The following MMP10 variants were observed in gnomAD, a reference collection of about 807,000 sequenced individuals.
MMP10 encodes matrix metallopeptidase 10.
MMP10 carries 50 observed loss-of-function variants against 49.1 expected under a neutral mutation model. The ratio of observed to expected loss-of-function variants is 1.02; its 90% confidence interval spans 0.81 to 1.29. The LOEUF is 1.29. Ranked by LOEUF, MMP10 falls within the 50% of genes most tolerant of loss-of-function variation. The pLI is 0.00. For synonymous variants in MMP10, 229 were observed against 201.6 expected (o/e 1.14, Z -1.15); for missense variants, 613 against 563.8 (o/e 1.09, Z -0.88).
At chr11:102,778,864 A>G in intron 3 of MMP10, 115 bp from the exon 4 acceptor site, 1 of 1,263,722 alleles carries the variant, frequency 7.9e-7, no homozygotes, top group South Asian at 1.3e-5. Flanking sequence ...GCAAATTCAT[A>G]TGTTGAAACT....
intron 7 of MMP10, among the ~76,000 whole-genome samples, chr11:102,773,657 A>G (rs1489517613): frequency 6.6e-6 from 1 of 152,204 alleles, no homozygotes; most frequent in African/African-American, 2.4e-5. Context: ...ACTTGGTAAA[A>G]ACAATTTCTT....
In MMP10 at chr11:102,778,586, A is replaced by G. The variant is rs202231118; in HGVS notation, c.622+38T>C. 12 of 1,609,246 alleles carry G rather than the reference A, an allele frequency of 7.5e-6. No homozygotes were observed. In the East Asian group the frequency reaches 2.2e-4, roughly 30 times the overall value. ...CAATTATTTTTGGGTAGGATTGGAC[A>G]TTATTCCTGAAATGTTCCCGAGAGG... On this transcript the variant is annotated intron_variant, in intron 4 of 9. Transcript: ENST00000279441.
intron 7 of MMP10, among the ~76,000 whole-genome samples, chr11:102,774,936 G>A (rs1191607786): frequency 6.6e-6 from 1 of 152,148 alleles, no homozygotes; most frequent in Non-Finnish European, 1.5e-5. Flanking sequence ...TATTTGAAAT[G>A]AAAATGTCTT....
rs774913600 is a variant in MMP10, at chr11:102,772,066, C to T, written c.1276G>A (p.Ala426Thr). The change falls in exon 9 of 10, where the codon GCT (alanine) becomes ACT (threonine). Residue 426 changes from alanine (A) to threonine (T), a missense_variant. Physicochemically the swap from Ala to Thr is moderately conservative, Grantham distance 58. Coordinates refer to ENST00000279441, the MANE Select transcript of MMP10 (RefSeq NM_002425.3). This position sits in a 1 kb window ranked among gnomAD's most constrained non-coding sequence, Gnocchi z 4.4. Reference protein sequence around the residue: ...SMEQGFPRLIADDFPGVEPKV... With the variant: ...SMEQGFPRLITDDFPGVEPKV... ...GGCTCAACTCCTGGAAAGTCATCAG[C>T]TATTAGTCTAGGGAAGCCTTGCTCC... The T allele has an allele frequency of 1.2e-6, 2 of 1,613,814 alleles. No homozygotes were observed. Among genetic ancestry groups the T allele is most frequent in the South Asian group, 1.1e-5 (1 of 91,074 alleles).
rs746398386 is a variant in MMP10, at chr11:102,772,882, C to T, written c.1191G>A (p.Lys397=). The T allele has an allele frequency of 1.2e-6, 2 of 1,613,580 alleles. No homozygotes were observed. The highest frequency in any genetic ancestry group is 2.2e-5 in the South Asian group (2 of 90,972). The part of the protein sequence containing the change: ...IDAAVSDKEK[K]KTYFFAADKY... ...TGTCCGCTGCAAAGAAGTATGTTTT[C>T]TTCTTTTCCTTGTCAGAAACAGCTG... is the stretch of plus-strand genomic sequence containing the variant. The change falls in exon 8 of 10, where the codon AAG becomes AAA. Residue 397 remains lysine, a synonymous_variant. Coordinates refer to ENST00000279441, the MANE Select transcript of MMP10 (RefSeq NM_002425.3). The surrounding 1 kb of genome is among the most constrained non-coding windows in gnomAD (Gnocchi z 4.4).
chr11:102,777,796 C>T (rs17099562), intron 4 of MMP10, among the ~76,000 whole-genome samples: 8,847 of 152,204 alleles, frequency 0.058, 361 homozygotes, highest in East Asian at 0.17. Flanking sequence ...AAAAGGCAAT[C>T]ATTTCATGCA....
chr11:102,780,089 A>C (rs1857805861), intron 1 of MMP10, among the ~76,000 whole-genome samples: 1 of 152,158 alleles, frequency 6.6e-6, no homozygotes, highest in African/African-American at 2.4e-5. Context: ...AAGTGTGGTA[A>C]ACTCTTTTGT....
Position 102,779,737 on chromosome 11 carries a change from T to C in MMP10, c.114A>G (p.Leu38=). 2 of 1,605,930 alleles carry C rather than the reference T, an allele frequency of 1.2e-6. No individual in the cohort carries two copies. Among genetic ancestry groups the C allele is most frequent in the Non-Finnish European group, 8.5e-7 (1 of 1,174,068 alleles). Residue 38 remains leucine (L), a synonymous_variant, in exon 2 of 10, where the codon CTA becomes CTG. Coordinates refer to ENST00000279441, the MANE Select transcript of MMP10 (RefSeq NM_002425.3). ...CCTTTTCGAGGTTGTAGTACTTTTC[T>C]AGGTATTGCTAATGGAAAATAGAAT... is the stretch of plus-strand genomic sequence containing the variant. ...DSNKDLAQQY[L]EKYYNLEKDV...
At chr11:102,777,696 ATAT>A (rs1012224244) in intron 4 of MMP10, among the ~76,000 whole-genome samples, 4 of 152,236 alleles carry the variant, frequency 2.6e-5, no homozygotes, top group Non-Finnish European at 5.9e-5. Context: ...CTTTTTAAAA[ATAT>A]TATAAAAAGG....
rs565672771 is a variant in MMP10 at position 102,776,348 on chromosome 11, C to G, written c.864G>C (p.Lys288Asn). 2 of 1,613,912 alleles carry G rather than the reference C, an allele frequency of 1.2e-6. No homozygotes were observed. Among genetic ancestry groups the G allele is most frequent in the African/African-American group, 1.3e-5 (1 of 75,004 alleles). Reference sequence around the variant, plus strand: ...CATCGAAGGACAAAGCAGGATCACACTTGGCTGGCATCTCAGATCCCGAAG... The same window carrying G: ...CATCGAAGGACAAAGCAGGATCACAGTTGGCTGGCATCTCAGATCCCGAAG... ...SVPSGSEMPA[K>N]CDPALSFDAI... The change falls in exon 6 of 10, where the codon AAG (lysine) becomes AAC (asparagine). Residue 288 changes from lysine (K) to asparagine (N), a missense_variant. Lys to Asn is a moderately conservative substitution (Grantham distance 94). Transcript: ENST00000279441.
chr11:102,780,521 G>T lies in MMP10; in HGVS notation c.71C>A (p.Ala24Glu). ...ATCCTTGTTGGAGTCCTCCTCTTTT[G>T]CTGCCCCACTCAGAGGATAGGCAGA... ...VCSAYPLSGA[A>E]KEEDSNKDLA... Residue 24 changes from alanine (A) to glutamate (E), a missense_variant, in exon 1 of 10, where the codon GCA becomes GAA. Physicochemically the swap from Ala to Glu is moderately radical, Grantham distance 107 (BLOSUM62 -1). Coordinates refer to ENST00000279441, the MANE Select transcript of MMP10 (RefSeq NM_002425.3). 1 of 1,613,970 alleles carries T rather than the reference G, an allele frequency of 6.2e-7. No individual in the cohort carries two copies. Among genetic ancestry groups the T allele is most frequent in the Non-Finnish European group, 8.5e-7 (1 of 1,179,938 alleles).
chr11:102,778,688 A>T lies in MMP10; in HGVS notation c.558T>A (p.Pro186=). ...PGHSLAHAYP[P]GPGLYGDIHF... ...GAATATCTCCATAAAGCCCAGGTCCAGGTGGGTAGGCATGAGCCAAACTGT... is the reference window on the plus strand; with the variant it reads ...GAATATCTCCATAAAGCCCAGGTCCTGGTGGGTAGGCATGAGCCAAACTGT... The change falls in exon 4 of 10, where the codon CCT becomes CCA. Residue 186 remains proline (P), a synonymous_variant. Transcript: ENST00000279441. The T allele has an allele frequency of 1.2e-6, 2 of 1,614,068 alleles. No homozygotes were observed. Among genetic ancestry groups the T allele is most frequent in the African/African-American group, 1.3e-5 (1 of 75,042 alleles).
At position 102,776,273 on chromosome 11, in the gene MMP10, G is replaced by A; in HGVS notation, c.932+7C>T. The A allele has an allele frequency of 6.2e-7, 1 of 1,610,844 alleles. No homozygotes were observed. Among genetic ancestry groups the A allele is most frequent in the Middle Eastern group, 1.7e-4 (1 of 6,044 alleles). ...ATAGATAGGAAAATATAATTTTCTG[G>A]TCTGACCTGTCTTTAAAGAACAGAT... On this transcript the variant is annotated splice_region_variant and intron_variant, in intron 6 of 9. Coordinates refer to ENST00000279441, the MANE Select transcript of MMP10 (RefSeq NM_002425.3).
chr11:102,776,036 A>C (rs1857727836), intron 6 of MMP10, among the ~76,000 whole-genome samples: 2 of 152,052 alleles, frequency 1.3e-5, no homozygotes, highest in Admixed American at 6.6e-5. Context: ...ATGTAGAGGA[A>C]ATTTTATATT....
At chr11:102,774,353 T>C (rs539039179) in intron 7 of MMP10, among the ~76,000 whole-genome samples, 1 of 152,008 alleles carries the variant, frequency 6.6e-6, no homozygotes, top group African/African-American at 2.4e-5. Flanking sequence ...ACAATAAAGA[T>C]ATGAACAGAA....
At position 102,775,286 on chromosome 11, in the gene MMP10, G is replaced by T. The variant is rs1363498485; in HGVS notation, c.968C>A (p.Pro323His). Residue 323 changes from proline (P) to histidine (H), a missense_variant, in exon 7 of 10, where the codon CCT becomes CAT. Transcript: ENST00000279441. ...AAATGCAGAAATCAAATGAAATTCAGGTTCAGGGTTCCAGTGGGATCTTCG... is the reference window on the plus strand; with the variant it reads ...AAATGCAGAAATCAAATGAAATTCATGTTCAGGGTTCCAGTGGGATCTTCG... Reference protein sequence around the residue: ...FWRRSHWNPEPEFHLISAFWP... With the variant: ...FWRRSHWNPEHEFHLISAFWP... 1 of 1,610,258 alleles carries T rather than the reference G, an allele frequency of 6.2e-7. No individual in the cohort carries two copies. The highest frequency in any genetic ancestry group is 8.5e-7 in the Non-Finnish European group (1 of 1,177,970).
chr11:102,776,859 G>A, intron 4 of MMP10, 83 bp from the exon 5 acceptor site: 14 of 1,504,346 alleles, frequency 9.3e-6, no homozygotes, highest in Non-Finnish European at 1.3e-5. Context: ...AGCTGTACAG[G>A]CCATCCTTGA....
chr11:102,779,176 T>C (rs2134352115), intron 3 of MMP10, 37 bp downstream of exon 3: 2 of 1,609,520 alleles, frequency 1.2e-6, no homozygotes, highest in East Asian at 2.2e-5. Flanking sequence ...TCTGAACAGA[T>C]GAATACACCA....
chr11:102,772,774 G>T lies in MMP10; in HGVS notation c.1226+73C>A. ...AAGTTAGAGGGTGGGTGTAGGGTAG[G>T]GAAATATCCTTAAAGAAAGAAAATA... On this transcript the variant is annotated intron_variant, in intron 8 of 9. Transcript: ENST00000279441. The surrounding 1 kb of genome is among the most constrained non-coding windows in gnomAD (Gnocchi z 4.4). 6.7e-7 allele frequency: 1 copy of T among 1,491,382 alleles called. No individual in the cohort carries two copies. The highest frequency in any genetic ancestry group is 9.1e-7 in the Non-Finnish European group (1 of 1,101,180). 92.4% of individuals were successfully genotyped at this position (1,491,382 alleles called of 1,614,324 possible).
Sources: allele counts gnomAD v4.1 joint callset (sites outside exome capture counted in the v4.1 genomes callset), GRCh38; gene constraint gnomAD v4.1.1; non-coding constraint Gnocchi (gnomAD v3.1); transcripts MANE v1.5; gene names NCBI Gene and HGNC (gene_info 2026-07-23, HGNC 2026-07-21).